TENM4: variants seen among roughly 807,000 people sequenced by gnomAD.
TENM4 encodes teneurin-4.
A neutral mutation model predicts 243.3 loss-of-function variants in TENM4; 82 were observed. That is an observed-to-expected ratio of 0.34 (90% confidence interval 0.28 to 0.40). TENM4 has a LOEUF of 0.40. Ranked by LOEUF, TENM4 falls within the 10% of genes least tolerant of loss-of-function variation. TENM4 has a pLI of 1.00. For synonymous variants in TENM4, 1,412 were observed against 1,456.3 expected (o/e 0.97, Z 0.69); for missense variants, 3,138 against 3,673.3 (o/e 0.85, Z 3.77).
At chr11:79,378,611 C>G (rs1857938145) in intron 1 of TENM4, among the ~76,000 whole-genome samples, 2 of 152,118 alleles carry the variant, frequency 1.3e-5, no homozygotes, top group South Asian at 2.1e-4. Context: ...GGTGCAGGCT[C>G]CAGACTGCTG....
chr11:78,670,239 C>T lies in TENM4; in HGVS notation c.6106G>A (p.Glu2036Lys), dbSNP rs200508306. Residue 2036 changes from glutamate (E) to lysine (K), a missense_variant, in exon 32 of 34, where the codon GAG becomes AAG. Transcript: ENST00000278550. ...DTTKVSFTYD[E>K]TAGMLKTINL... ...ATGGTCTTCAGCATGCCTGCCGTCT[C>T]GTCATAGGTGAAACTGACCTTGGTG... is the stretch of plus-strand genomic sequence containing the variant. The T allele has an allele frequency of 3.6e-5, 58 of 1,613,894 alleles. No homozygotes were observed. Among genetic ancestry groups the T allele is most frequent in the Admixed American group, 1.0e-4 (6 of 60,022 alleles).
chr11:79,045,225 C>T (rs938289713), intron 6 of TENM4, among the ~76,000 whole-genome samples: 1 of 152,076 alleles, frequency 6.6e-6, no homozygotes, highest in African/African-American at 2.4e-5. Flanking sequence ...CCTGAGTGTC[C>T]ACTGCGTGCT....
Position 78,669,364 on chromosome 11 carries a change from G to A in TENM4, c.6981C>T (p.Tyr2327=), listed in dbSNP as rs779872354. Residue 2327 remains tyrosine (Y), a synonymous_variant, in exon 32 of 34, where the codon TAC becomes TAT. Transcript: ENST00000278550. The surrounding 1 kb of genome is among the most constrained non-coding windows in gnomAD (Gnocchi z 6.4). The part of the protein sequence containing the change: ...LTNPTKVTHL[Y]NHSSSEITSL... The stretch of plus-strand genomic sequence containing the variant: ...AGGTGATCTCAGAGCTGGAGTGGTT[G>A]TACAGGTGGGTGACCTTGGTGGGGT... The A allele has an allele frequency of 5.6e-6, 9 of 1,613,648 alleles. No individual in the cohort carries two copies. Among genetic ancestry groups the A allele is most frequent in the Non-Finnish European group, 7.6e-6 (9 of 1,179,760 alleles).
chr11:78,764,362 A>T (rs1856497161), intron 18 of TENM4, among the ~76,000 whole-genome samples: 1 of 152,240 alleles, frequency 6.6e-6, no homozygotes, highest in African/African-American at 2.4e-5. Flanking sequence ...ACAATTCCAC[A>T]GTGGACAACT....
At chr11:79,439,942 G>A (rs1285642251) in intron 1 of TENM4, among the ~76,000 whole-genome samples, 1 of 151,992 alleles carries the variant, frequency 6.6e-6, no homozygotes, top group African/African-American at 2.4e-5. Context: ...AGGAGAGGCG[G>A]GCGCCCCGCG....
At chr11:79,033,687 G>T (rs1859305469) in intron 6 of TENM4, among the ~76,000 whole-genome samples, 1 of 152,304 alleles carries the variant, frequency 6.6e-6, no homozygotes, top group Non-Finnish European at 1.5e-5. Flanking sequence ...TCAGTCCATG[G>T]ATGTTCTCAT....
intron 6 of TENM4, among the ~76,000 whole-genome samples, chr11:78,956,940 T>C (rs1413056916): frequency 6.6e-6 from 1 of 152,218 alleles, no homozygotes; most frequent in Non-Finnish European, 1.5e-5. Flanking sequence ...CTAAAGTGCT[T>C]CTGATTCCAA....
chr11:78,982,819 G>A (rs1857831290), intron 6 of TENM4, among the ~76,000 whole-genome samples: 1 of 152,190 alleles, frequency 6.6e-6, no homozygotes, highest in Non-Finnish European at 1.5e-5. Flanking sequence ...TGTTTCTCCT[G>A]CCCTTTGGAA....
At chr11:78,938,426 T>C (rs1250965024) in intron 6 of TENM4, among the ~76,000 whole-genome samples, 8 of 152,168 alleles carry the variant, frequency 5.3e-5, no homozygotes, top group Non-Finnish European at 8.8e-5. Context: ...AAGGAACACG[T>C]CCATGTTTGA....
chr11:78,662,515 G>C (rs1858056432), intron 32 of TENM4, among the ~76,000 whole-genome samples: 1 of 152,088 alleles, frequency 6.6e-6, no homozygotes, highest in South Asian at 2.1e-4. Context: ...TTTACATTGG[G>C]CTTGGGGATC....
At chr11:79,006,001 A>G (rs549080809) in intron 6 of TENM4, among the ~76,000 whole-genome samples, 9 of 152,310 alleles carry the variant, frequency 5.9e-5, no homozygotes, top group African/African-American at 1.9e-4. Flanking sequence ...CACACAAAGT[A>G]TTTTTTTCAC....
intron 1 of TENM4, among the ~76,000 whole-genome samples, chr11:79,427,205 G>A (rs1000495708): frequency 2.0e-5 from 3 of 152,128 alleles, no homozygotes; most frequent in African/African-American, 7.2e-5. Flanking sequence ...GCTTCCACAG[G>A]CCCATCACGG....
intron 13 of TENM4, among the ~76,000 whole-genome samples, chr11:78,812,860 A>G (rs1857528166): frequency 6.6e-6 from 1 of 152,206 alleles, no homozygotes; most frequent in East Asian, 1.9e-4. Context: ...TTGGCTCTTT[A>G]AAGTATTATC....
At chr11:79,168,533 T>C (rs1862968867) in intron 3 of TENM4, among the ~76,000 whole-genome samples, 1 of 152,158 alleles carries the variant, frequency 6.6e-6, no homozygotes, top group African/African-American at 2.4e-5. Context: ...GAGAGAAAGC[T>C]AGACACATAG....
chr11:79,408,195 T>G (rs61882555), intron 1 of TENM4, among the ~76,000 whole-genome samples: 29,191 of 152,236 alleles, frequency 0.19, 2,900 homozygotes, highest in African/African-American at 0.21. Flanking sequence ...TAAGCCACCA[T>G]GCTGGGCCAA....
intron 3 of TENM4, among the ~76,000 whole-genome samples, chr11:79,196,564 G>A (rs767687867): frequency 3.9e-5 from 6 of 152,186 alleles, no homozygotes; most frequent in Middle Eastern, 3.4e-3. Flanking sequence ...GTCAGCCCCC[G>A]GCTGGTGCTG....
At chr11:79,215,257 C>T (rs897056784) in intron 3 of TENM4, among the ~76,000 whole-genome samples, 1 of 152,126 alleles carries the variant, frequency 6.6e-6, no homozygotes, top group African/African-American at 2.4e-5. Flanking sequence ...CTTTTCTGCA[C>T]AGCAATATGA....
intron 20 of TENM4, among the ~76,000 whole-genome samples, chr11:78,737,358 A>G (rs930626328): frequency 6.6e-6 from 1 of 152,162 alleles, no homozygotes; most frequent in Non-Finnish European, 1.5e-5. Flanking sequence ...GCCTCTTCCT[A>G]TTCACATGGA....
In TENM4 at chr11:78,732,430, A is replaced by G; in HGVS notation, c.3024T>C (p.Ile1008=). Residue 1008 remains isoleucine, a synonymous_variant, in exon 21 of 34, where the codon ATT becomes ATC. Coordinates refer to ENST00000278550, the MANE Select transcript of TENM4 (RefSeq NM_001098816.3). ...CAAAATTGCTCAGGTCACAGCTGGG[A>G]ATCTCATTCTCCTCATGTCTCATGA... is the stretch of plus-strand genomic sequence containing the variant. ...TIIMRHEENE[I]PSCDLSNFAR... 1 of 1,613,896 alleles carries G rather than the reference A, an allele frequency of 6.2e-7. No homozygotes were observed. The highest frequency in any genetic ancestry group is 8.5e-7 in the Non-Finnish European group (1 of 1,179,860).
Sources: gnomAD v4.1 joint callset for allele counts (sites outside exome capture counted in the v4.1 genomes callset) on GRCh38, gnomAD v4.1.1 for gene constraint, Gnocchi (gnomAD v3.1) non-coding constraint, MANE v1.5 for transcripts, NCBI Gene and HGNC (gene_info 2026-07-23, HGNC 2026-07-21) for gene names.